MLLT3: variants seen among roughly 807,000 people sequenced by gnomAD.
MLLT3 encodes the protein protein AF-9.
MLLT3 carries 4 observed loss-of-function variants against 53.2 expected under a neutral mutation model. That is an observed-to-expected ratio of 0.08 (90% CI 0.04 to 0.17). MLLT3 has a LOEUF of 0.17. Among genes scored for constraint, MLLT3 ranks in the 10% least tolerant of loss-of-function variants. The pLI is 1.00. For missense variants in MLLT3, 569 were observed against 684.0 expected, an observed-to-expected ratio of 0.83 and a Z score of 1.87; for synonymous variants, 283 against 230.6, an observed-to-expected ratio of 1.23 and a Z score of -2.06.
In MLLT3 at chr9:20,563,423, T is replaced by C. The variant is rs117048244; in HGVS notation, c.193+57231A>G. Among the ~76,000 whole-genome samples, 70 of 152,260 alleles carry C rather than the reference T, an allele frequency of 4.6e-4. 1 individual carries two copies. In the East Asian group the frequency reaches 0.014, roughly 29 times the overall value. On this transcript the variant is annotated intron_variant, in intron 2 of 10. Transcript: ENST00000380338. ...GGGGTGTCATATATTTGACAAATAA[T>C]AATTGAAACAGCCTTTTCCTTTTCT...
intron 5 of MLLT3, among the ~76,000 whole-genome samples, chr9:20,391,748 T>C (rs995920186): frequency 2.0e-5 from 3 of 152,234 alleles, no homozygotes; most frequent in African/African-American, 4.8e-5. Context: ...GTTTTAAAAA[T>C]ACACAATTCT....
At chr9:20,598,683 G>C (rs1820337883) in intron 2 of MLLT3, among the ~76,000 whole-genome samples, 1 of 152,152 alleles carries the variant, frequency 6.6e-6, no homozygotes, top group Non-Finnish European at 1.5e-5. Context: ...ATCCATCTAA[G>C]TTTTAGCTAA....
intron 2 of MLLT3, among the ~76,000 whole-genome samples, chr9:20,563,459 A>T (rs78981365): frequency 0.019 from 2,886 of 152,220 alleles, 89 homozygotes; most frequent in African/African-American, 0.065. Flanking sequence ...TTTTGTTGAC[A>T]GTCTATTCAG....
chr9:20,541,648 C>T (rs1270918051), intron 2 of MLLT3, among the ~76,000 whole-genome samples: 2 of 152,186 alleles, frequency 1.3e-5, no homozygotes, highest in Non-Finnish European at 2.9e-5. Flanking sequence ...CCAGGTCCCT[C>T]CCCTGACATG....
rs567106231 is a variant in MLLT3, at chr9:20,426,275, T to C, written c.421-11850A>G. On this transcript the variant is annotated intron_variant, in intron 4 of 10. Transcript: ENST00000380338. ...TATATCACTTCTCTTTCTAGGTTTT[T>C]GTATATTTAGCTTTGTACAGTTCCT... 8.5e-5 allele frequency among the ~76,000 whole-genome samples: 13 copies of C among 152,292 alleles called. 1 individual carries two copies. The highest frequency in any genetic ancestry group is 2.9e-4 in the African/African-American group (12 of 41,588).
intron 4 of MLLT3, among the ~76,000 whole-genome samples, chr9:20,417,451 T>G (rs1409641148): frequency 6.6e-6 from 1 of 150,612 alleles, no homozygotes; most frequent in East Asian, 1.9e-4. Flanking sequence ...AATTTTTCAA[T>G]TAACCATTAA....
At chr9:20,594,498 G>C (rs1388862408) in intron 2 of MLLT3, among the ~76,000 whole-genome samples, 1 of 152,114 alleles carries the variant, frequency 6.6e-6, no homozygotes, top group African/African-American at 2.4e-5. Context: ...ATATGTCAGA[G>C]GTGTTTGAAC....
At chr9:20,543,671 G>C (rs548671263) in intron 2 of MLLT3, among the ~76,000 whole-genome samples, 25 of 151,928 alleles carry the variant, frequency 1.6e-4, no homozygotes, top group African/African-American at 5.8e-4. Context: ...AGAAGGAGGA[G>C]AAGGAGAAGA....
chr9:20,499,419 T>A (rs150537673), intron 2 of MLLT3, among the ~76,000 whole-genome samples: 132 of 152,234 alleles, frequency 8.7e-4, no homozygotes, highest in African/African-American at 2.9e-3. Context: ...GGGGAGAGGG[T>A]ACACAGGATA....
intron 2 of MLLT3, among the ~76,000 whole-genome samples, chr9:20,510,611 CA>C (rs1825510257): frequency 3.5e-5 from 1 of 28,198 alleles, no homozygotes; most frequent in African/African-American, 2.1e-4. Flanking sequence ...GACTCCATCT[CA>C]GAAAAAAAAA....
At chr9:20,392,513 C>A (rs917512860) in intron 5 of MLLT3, among the ~76,000 whole-genome samples, 2 of 152,284 alleles carry the variant, frequency 1.3e-5, no homozygotes, top group East Asian at 3.9e-4. Flanking sequence ...TCTCCCTTTT[C>A]CTTTACTAAT....
At chr9:20,461,443 T>A (rs536569570) in intron 2 of MLLT3, among the ~76,000 whole-genome samples, 1 of 152,262 alleles carries the variant, frequency 6.6e-6, no homozygotes, top group South Asian at 2.1e-4. Context: ...AGTCAAACCC[T>A]TACTTATTAA....
At chr9:20,609,161 G>T (rs891728508) in intron 2 of MLLT3, among the ~76,000 whole-genome samples, 3 of 151,820 alleles carry the variant, frequency 2.0e-5, no homozygotes, top group Non-Finnish European at 4.4e-5. Context: ...ATAAATTATC[G>T]GCTCTAGTCA....
At chr9:20,566,894 T>A (rs1587077531) in intron 2 of MLLT3, among the ~76,000 whole-genome samples, 1 of 152,052 alleles carries the variant, frequency 6.6e-6, no homozygotes, top group Non-Finnish European at 1.5e-5. Flanking sequence ...TAGCAGCATA[T>A]CCATCTTTAA....
chr9:20,429,635 C>T (rs1225827577), intron 4 of MLLT3, among the ~76,000 whole-genome samples: 2 of 152,110 alleles, frequency 1.3e-5, no homozygotes, highest in Non-Finnish European at 2.9e-5. Context: ...GACAAAAATG[C>T]TTGTCAAGCA....
chr9:20,548,999 G>C (rs1187072282), intron 2 of MLLT3, among the ~76,000 whole-genome samples: 1 of 152,004 alleles, frequency 6.6e-6, no homozygotes, highest in Admixed American at 6.6e-5. Context: ...ATTTTTTGTA[G>C]AGAGGGGGTT....
intron 5 of MLLT3, among the ~76,000 whole-genome samples, chr9:20,392,333 G>A (rs1822206034): frequency 6.6e-6 from 1 of 152,058 alleles, no homozygotes. Context: ...CCAAACATAA[G>A]GCCCAGATGC....
intron 5 of MLLT3, among the ~76,000 whole-genome samples, chr9:20,395,426 A>G (rs899739501): frequency 5.9e-5 from 9 of 152,284 alleles, no homozygotes; most frequent in East Asian, 1.9e-4. Context: ...ATATTCCTAC[A>G]TATTCATAAT....
chr9:20,513,726 G>A (rs1817824856), intron 2 of MLLT3, among the ~76,000 whole-genome samples: 1 of 152,184 alleles, frequency 6.6e-6, no homozygotes, highest in African/African-American at 2.4e-5. Context: ...GCAGGTATCT[G>A]GCTCGACCAC....
Sources: gnomAD v4.1 joint callset for allele counts (sites outside exome capture counted in the v4.1 genomes callset) on GRCh38, gnomAD v4.1.1 for gene constraint, MANE v1.5 for transcripts, NCBI Gene and HGNC (gene_info 2026-07-23, HGNC 2026-07-21) for gene names.